SNTG1: variants seen among roughly 807,000 people sequenced by gnomAD.
The protein encoded by SNTG1 is syntrophin gamma 1.
Under a neutral mutation model 74.7 loss-of-function variants are expected in SNTG1, and 39 were observed. The observed-to-expected ratio is 0.52, with a 90% CI of 0.40 to 0.68. SNTG1 has a LOEUF of 0.68. SNTG1 is among the 30% of genes least tolerant of loss of function. The probability of loss-of-function intolerance (pLI) is 0.00; values close to 1 mark genes in which losing one functional copy is unlikely to be tolerated. For missense variants in SNTG1, 685 were observed against 609.5 expected, an observed-to-expected ratio of 1.12 and a Z score of -1.30; for synonymous variants, 254 against 217.1, an observed-to-expected ratio of 1.17 and a Z score of -1.49.
chr8:49,976,182 G>A (rs534979661), intron 1 of SNTG1, among the ~76,000 whole-genome samples: 64 of 152,242 alleles, frequency 4.2e-4, no homozygotes, highest in African/African-American at 1.4e-3. Flanking sequence ...TATCTTCTTT[G>A]AGAAAAGCAA....
chr8:50,676,613 G>C (rs565689668), intron 15 of SNTG1, among the ~76,000 whole-genome samples: 5 of 151,408 alleles, frequency 3.3e-5, no homozygotes, highest in South Asian at 2.1e-4. Context: ...GATTCTTTTA[G>C]TTTTTTCTTA....
At chr8:50,549,909 C>T (rs1002339410) in intron 11 of SNTG1, among the ~76,000 whole-genome samples, 6 of 152,084 alleles carry the variant, frequency 3.9e-5, no homozygotes, top group African/African-American at 7.2e-5. Context: ...TGAATCACAT[C>T]GTTTCTAATG....
chr8:50,780,186 T>A (rs1316752020), intron 18 of SNTG1, among the ~76,000 whole-genome samples: 3 of 152,278 alleles, frequency 2.0e-5, no homozygotes, highest in Middle Eastern at 3.4e-3. Context: ...TGTCTCTGCC[T>A]GGCTTTGGTA....
At chr8:50,380,512 T>G (rs1326290741) in intron 2 of SNTG1, among the ~76,000 whole-genome samples, 1 of 152,228 alleles carries the variant, frequency 6.6e-6, no homozygotes, top group Non-Finnish European at 1.5e-5. Context: ...TATAGAGACT[T>G]TTTAACACTC....
At chr8:50,206,573 G>A (rs2084248790) in intron 2 of SNTG1, among the ~76,000 whole-genome samples, 1 of 152,068 alleles carries the variant, frequency 6.6e-6, no homozygotes, top group Non-Finnish European at 1.5e-5. Context: ...TCTCCTTCCT[G>A]ATTGCCCTGG....
chr8:50,048,263 T>A (rs780971891), intron 1 of SNTG1, among the ~76,000 whole-genome samples: 1 of 152,128 alleles, frequency 6.6e-6, no homozygotes, highest in Admixed American at 6.6e-5. Context: ...AAATTTGAAT[T>A]CTTGAAGATA....
At chr8:50,297,275 A>C (rs2089430225) in intron 2 of SNTG1, among the ~76,000 whole-genome samples, 1 of 152,178 alleles carries the variant, frequency 6.6e-6, no homozygotes, top group Non-Finnish European at 1.5e-5. Flanking sequence ...TTATACATGC[A>C]TGCCTGTGAT....
intron 13 of SNTG1, among the ~76,000 whole-genome samples, chr8:50,622,915 G>C (rs575785470): frequency 1.3e-5 from 2 of 151,936 alleles, no homozygotes; most frequent in African/African-American, 4.8e-5. Flanking sequence ...ATGAATTACC[G>C]ATGTTTTCGG....
At chr8:50,604,893 G>T (rs970373048) in intron 13 of SNTG1, among the ~76,000 whole-genome samples, 3 of 152,268 alleles carry the variant, frequency 2.0e-5, no homozygotes, top group East Asian at 1.9e-4. Flanking sequence ...GTCACCAAAG[G>T]CCATGGCATA....
At chr8:50,310,964 A>G (rs369937568) in intron 2 of SNTG1, among the ~76,000 whole-genome samples, 21 of 152,310 alleles carry the variant, frequency 1.4e-4, no homozygotes, top group African/African-American at 5.1e-4. Flanking sequence ...TAGACAAATG[A>G]GGACAAAAGT....
intron 17 of SNTG1, among the ~76,000 whole-genome samples, chr8:50,737,950 T>A (rs537575736): frequency 1.3e-5 from 2 of 152,168 alleles, no homozygotes; most frequent in African/African-American, 4.8e-5. Context: ...ACAGCCAATA[T>A]CATACTGAAT....
chr8:50,282,428 C>T (rs1422208747), intron 2 of SNTG1, among the ~76,000 whole-genome samples: 2 of 152,128 alleles, frequency 1.3e-5, no homozygotes, highest in Non-Finnish European at 2.9e-5. Context: ...AACTCTTACA[C>T]CTATAGATAT....
At chr8:50,618,546 C>T (rs527989981) in intron 13 of SNTG1, among the ~76,000 whole-genome samples, 106 of 152,328 alleles carry the variant, frequency 7.0e-4, no homozygotes, top group South Asian at 2.9e-3. Context: ...ATTACATAAG[C>T]TCACAGTTCT....
At chr8:50,238,227 C>T (rs1158296767) in intron 2 of SNTG1, among the ~76,000 whole-genome samples, 1 of 152,092 alleles carries the variant, frequency 6.6e-6, no homozygotes, top group African/African-American at 2.4e-5. Flanking sequence ...GATCACACTA[C>T]TTGACTTATA....
chr8:50,140,882 C>T (rs1162072338), intron 1 of SNTG1, among the ~76,000 whole-genome samples: 1 of 152,094 alleles, frequency 6.6e-6, no homozygotes, highest in Non-Finnish European at 1.5e-5. Context: ...ACATTGGTTC[C>T]ATTATAAAGA....
At chr8:50,585,197 G>T (rs1432889997) in intron 12 of SNTG1, among the ~76,000 whole-genome samples, 1 of 151,676 alleles carries the variant, frequency 6.6e-6, no homozygotes, top group Non-Finnish European at 1.5e-5. Flanking sequence ...TTTTTAAAAG[G>T]CTTAACGTGG....
intron 2 of SNTG1, among the ~76,000 whole-genome samples, chr8:50,384,198 G>C (rs1406832871): frequency 6.6e-6 from 1 of 152,198 alleles, no homozygotes; most frequent in South Asian, 2.1e-4. Flanking sequence ...TGCCATAACT[G>C]TTTTCAAAAG....
chr8:50,722,966 ATATTC>A (rs1202418794), intron 17 of SNTG1, among the ~76,000 whole-genome samples: 7 of 152,206 alleles, frequency 4.6e-5, no homozygotes, highest in African/African-American at 1.4e-4. Flanking sequence ...AATGTATTAC[ATATTC>A]TATTCTATAG....
At chr8:50,177,934 AT>A (rs777900049) in intron 2 of SNTG1, among the ~76,000 whole-genome samples, 3 of 152,018 alleles carry the variant, frequency 2.0e-5, no homozygotes, top group Non-Finnish European at 2.9e-5. Context: ...ACCGTTTTGC[AT>A]TTTCTCAATT....
Sources: gnomAD v4.1 joint callset for allele counts (sites outside exome capture counted in the v4.1 genomes callset) on GRCh38, gnomAD v4.1.1 for gene constraint, MANE v1.5 for transcripts, NCBI Gene and HGNC (gene_info 2026-07-23, HGNC 2026-07-21) for gene names.